The following DLG2 variants were observed in gnomAD, a reference collection of about 807,000 sequenced individuals.
DLG2 encodes discs large MAGUK scaffold protein 2, also known as disks large homolog 2.
A neutral mutation model predicts 132.5 loss-of-function variants in DLG2; 45 were observed. That is an observed-to-expected ratio of 0.34 (90% confidence interval 0.27 to 0.44). The LOEUF (loss-of-function observed/expected upper bound fraction) is 0.44. Among genes scored for constraint, DLG2 ranks in the 20% least tolerant of loss-of-function variants. The pLI, the probability that DLG2 is intolerant of heterozygous loss-of-function variation, is 1.00. For missense variants in DLG2, 1,045 were observed against 1,196.9 expected (o/e 0.87, Z 1.87); for synonymous variants, 424 against 419.6 (o/e 1.01, Z -0.13).
intron 11 of DLG2, among the ~76,000 whole-genome samples, chr11:84,047,030 T>C (rs2096255510): frequency 6.6e-6 from 1 of 151,572 alleles, no homozygotes; most frequent in African/African-American, 2.4e-5. Context: ...TTAACGGACA[T>C]TGGTCCATGA....
At chr11:85,304,159 C>A (rs190910125) in intron 3 of DLG2, among the ~76,000 whole-genome samples, 117 of 152,236 alleles carry the variant, frequency 7.7e-4, no homozygotes, top group African/African-American at 2.7e-3. Context: ...CTGTGGAACC[C>A]TACATTTTCC....
At chr11:83,740,637 C>T (rs1376421714) in intron 18 of DLG2, among the ~76,000 whole-genome samples, 1 of 152,098 alleles carries the variant, frequency 6.6e-6, no homozygotes, top group African/African-American at 2.4e-5. Flanking sequence ...TGTCTATATG[C>T]TATCAATACA....
At chr11:85,188,782 C>T (rs146594628) in intron 4 of DLG2, among the ~76,000 whole-genome samples, 1 of 152,144 alleles carries the variant, frequency 6.6e-6, no homozygotes, top group Non-Finnish European at 1.5e-5. Context: ...TATCAGTAAA[C>T]TTGAAGATTA....
intron 7 of DLG2, among the ~76,000 whole-genome samples, chr11:84,494,996 A>G (rs2099177106): frequency 6.6e-6 from 1 of 152,158 alleles, no homozygotes; most frequent in South Asian, 2.1e-4. Flanking sequence ...GGGAAATGAC[A>G]TAGAGACAGA....
intron 7 of DLG2, among the ~76,000 whole-genome samples, chr11:84,313,854 C>T (rs1021904295): frequency 1.3e-5 from 2 of 152,200 alleles, no homozygotes; most frequent in East Asian, 3.9e-4. Flanking sequence ...ACACTAACAT[C>T]CTAGATGTAC....
chr11:83,800,418 G>A (rs1005273177), intron 17 of DLG2, among the ~76,000 whole-genome samples: 2 of 152,184 alleles, frequency 1.3e-5, no homozygotes, highest in African/African-American at 4.8e-5. Flanking sequence ...GCATGTTTCA[G>A]AGTGAGTGAA....
At chr11:84,046,609 C>T (rs973151550) in intron 11 of DLG2, among the ~76,000 whole-genome samples, 5 of 151,454 alleles carry the variant, frequency 3.3e-5, no homozygotes, top group South Asian at 2.1e-4. Flanking sequence ...AGTTTGTTTC[C>T]TGTGTCATTT....
At chr11:85,396,039 G>T (rs1347029202) in intron 3 of DLG2, among the ~76,000 whole-genome samples, 1 of 152,136 alleles carries the variant, frequency 6.6e-6, no homozygotes, top group Non-Finnish European at 1.5e-5. Context: ...TCAAACAGGT[G>T]GGTGTTCCTC....
chr11:84,723,573 A>G (rs747890262), intron 6 of DLG2, among the ~76,000 whole-genome samples: 13 of 152,132 alleles, frequency 8.5e-5, no homozygotes, highest in Admixed American at 2.0e-4. Context: ...ATGACAATGC[A>G]TTCCATAGTT....
chr11:83,682,513 C>T (rs971073869), intron 18 of DLG2: 2 of 903,812 alleles, frequency 2.2e-6, no homozygotes, highest in South Asian at 1.0e-4. Flanking sequence ...AGTAGTGTAC[C>T]CCCATCCTCT....
intron 6 of DLG2, among the ~76,000 whole-genome samples, chr11:84,941,612 G>A (rs1184913344): frequency 1.3e-5 from 2 of 151,224 alleles, no homozygotes; most frequent in Non-Finnish European, 2.9e-5. Flanking sequence ...TTAATGTGTT[G>A]TTGAATTCAG....
At chr11:84,729,565 G>A (rs2062905568) in intron 6 of DLG2, among the ~76,000 whole-genome samples, 1 of 152,070 alleles carries the variant, frequency 6.6e-6, no homozygotes, top group Non-Finnish European at 1.5e-5. Context: ...TTGAATTGGA[G>A]TGGAGAGTTC....
At chr11:84,458,296 C>T (rs1420531097) in intron 7 of DLG2, among the ~76,000 whole-genome samples, 1 of 150,722 alleles carries the variant, frequency 6.6e-6, no homozygotes, top group African/African-American at 2.4e-5. Flanking sequence ...GAATTAATGA[C>T]TAAAATGGTA....
intron 21 of DLG2, among the ~76,000 whole-genome samples, chr11:83,494,767 C>T (rs189363137): frequency 2.0e-5 from 3 of 152,092 alleles, no homozygotes. Context: ...TTGAGCAGGG[C>T]ACAGACTATG....
At chr11:83,666,903 C>T (rs2075710968) in intron 18 of DLG2, among the ~76,000 whole-genome samples, 1 of 152,168 alleles carries the variant, frequency 6.6e-6, no homozygotes, top group Non-Finnish European at 1.5e-5. Flanking sequence ...CCCTTTCATT[C>T]CCTCTCCAAC....
chr11:85,061,581 T>C (rs1205499571), intron 6 of DLG2, among the ~76,000 whole-genome samples: 1 of 151,832 alleles, frequency 6.6e-6, no homozygotes, highest in East Asian at 1.9e-4. Flanking sequence ...TTTAGTATTA[T>C]ACTAAAGCTG....
rs372443245 is a variant in DLG2, at chr11:84,780,997, C to CAAAAAAAAAA, written c.358-246276_358-246267dup. ...TGAAGTGCTTTACTCCAGGATTGTA[C>CAAAAAAAAAA]AAAAAAAAAAAAAAAAAGCGACAAG... On this transcript the variant is annotated intron_variant, in intron 6 of 27. Transcript: ENST00000376104. 5.3e-5 allele frequency among the ~76,000 whole-genome samples: 5 copies of CAAAAAAAAAA among 93,958 alleles called. 1 individual carries two copies. The highest frequency in any genetic ancestry group is 1.1e-4 in the Admixed American group (1 of 8,772). The allele number at this position is 93,958 out of a possible 152,430, so 61.6% of individuals were successfully genotyped here.
intron 19 of DLG2, among the ~76,000 whole-genome samples, chr11:83,616,886 A>G (rs886577738): frequency 7.9e-5 from 12 of 152,158 alleles, no homozygotes; most frequent in Admixed American, 7.2e-4. Flanking sequence ...ATGCAGTGTC[A>G]TTTACTAAAA....
intron 6 of DLG2, among the ~76,000 whole-genome samples, chr11:84,567,665 C>A (rs1490793451): frequency 6.6e-6 from 1 of 152,200 alleles, no homozygotes; most frequent in Non-Finnish European, 1.5e-5. Flanking sequence ...GTTACTTAAT[C>A]ACTTTTTAAT....
Sources: gnomAD v4.1 joint callset for allele counts (sites outside exome capture counted in the v4.1 genomes callset) on GRCh38, gnomAD v4.1.1 for gene constraint, MANE v1.5 for transcripts, NCBI Gene and HGNC (gene_info 2026-07-23, HGNC 2026-07-21) for gene names.